Variants in LRP5 observed in about 807,000 individuals in gnomAD.
LRP5 encodes LDL receptor related protein 5.
Under a neutral mutation model 154.1 loss-of-function variants are expected in LRP5, and 62 were observed. That is an observed-to-expected ratio of 0.40 (90% confidence interval 0.33 to 0.50). The LOEUF (loss-of-function observed/expected upper bound fraction) is 0.50, where lower values mean the gene tolerates loss of function less well. Among genes scored for constraint, LRP5 ranks in the 20% least tolerant of loss-of-function variants. The probability of loss-of-function intolerance (pLI) is 0.55; values close to 1 mark genes in which losing one functional copy is unlikely to be tolerated. For missense variants in LRP5, 1,915 were observed against 2,336.7 expected (o/e 0.82, Z 3.72); for synonymous variants, 966 against 1,011.5 (o/e 0.96, Z 0.85).
At chr11:68,446,619 G>C (rs1194103781) in intron 22 of LRP5, 86 bp downstream of exon 22, 1 of 1,220,166 alleles carries the variant, frequency 8.2e-7, no homozygotes, top group South Asian at 1.2e-5. Flanking sequence ...CACTGATGAG[G>C]GGAGGTATTC....
chr11:68,362,430 C>A (rs888402346), intron 3 of LRP5, among the ~76,000 whole-genome samples: 10 of 152,148 alleles, frequency 6.6e-5, no homozygotes, highest in African/African-American at 2.4e-4. Flanking sequence ...TGCCTGTAAT[C>A]CCAGCACTTT....
intron 7 of LRP5, among the ~76,000 whole-genome samples, chr11:68,402,334 A>G (rs528399503): frequency 1.3e-5 from 2 of 152,218 alleles, no homozygotes; most frequent in East Asian, 1.9e-4. Flanking sequence ...TTACCTTGAC[A>G]GTATTTTCTC....
At chr11:68,321,520 G>T (rs989014489) in intron 1 of LRP5, among the ~76,000 whole-genome samples, 4 of 152,112 alleles carry the variant, frequency 2.6e-5, no homozygotes, top group African/African-American at 7.2e-5. Flanking sequence ...TCAGGCTGTG[G>T]AAGTGAATTC....
the LRP5 span, among the ~76,000 whole-genome samples, chr11:68,302,308 T>C: frequency 1.4e-5 from 2 of 138,570 alleles, no homozygotes; most frequent in Non-Finnish European, 3.0e-5. Flanking sequence ...ATGGCACCAC[T>C]GTACTCCAGC....
At position 68,403,714 on chromosome 11, in the gene LRP5, TC is replaced by T; in HGVS notation, c.1801+18del. The T allele has an allele frequency of 6.2e-6, 10 of 1,611,130 alleles. No individual in the cohort carries two copies. Among genetic ancestry groups the T allele is most frequent in the Non-Finnish European group, 8.5e-6 (10 of 1,179,568 alleles). The stretch of plus-strand genomic sequence containing the variant: ...CAAGGTCGTCGGTGAGTCCGGGGGG[TC>T]CCAAGCCATGGCTCAGCCATGCAGA... On this transcript the variant is annotated intron_variant, in intron 8 of 22. Transcript: ENST00000294304.
intron 18 of LRP5, among the ~76,000 whole-genome samples, chr11:68,434,057 T>C (rs2098673494): frequency 6.6e-6 from 1 of 152,226 alleles, no homozygotes; most frequent in Admixed American, 6.5e-5. Context: ...TGTGAGGGTC[T>C]ATCTCACCTT....
At chr11:68,392,292 T>A (rs995250678) in intron 7 of LRP5, among the ~76,000 whole-genome samples, 20 of 152,192 alleles carry the variant, frequency 1.3e-4, no homozygotes, top group Admixed American at 1.1e-3. Context: ...TCACCTGAGG[T>A]CAGGAGTTTG....
chr11:68,355,851 T>A, intron 2 of LRP5, among the ~76,000 whole-genome samples: 1 of 152,132 alleles, frequency 6.6e-6, no homozygotes. Context: ...TTTTATTCTT[T>A]TTTTTTTGAG....
rs570971966 is a variant in LRP5, at chr11:68,353,635, G to A, written c.489-4015G>A. Among the ~76,000 whole-genome samples the A allele has an allele frequency of 6.5e-4, 99 of 152,310 alleles. No homozygotes were observed. Among genetic ancestry groups the A allele is most frequent in the Non-Finnish European group, 1.1e-3 (74 of 68,010 alleles). On this transcript the variant is annotated intron_variant, in intron 2 of 22. Transcript: ENST00000294304. The surrounding 1 kb of genome is among the most constrained non-coding windows in gnomAD (Gnocchi z 4.5). ...GTCCTGGCCACAGGCACACGGTTGC[G>A]AGGAGCATCTTGGCCTTCCTCCCGG...
At chr11:68,337,152 G>T (rs994166909) in intron 1 of LRP5, among the ~76,000 whole-genome samples, 1 of 152,224 alleles carries the variant, frequency 6.6e-6, no homozygotes, top group Non-Finnish European at 1.5e-5. Context: ...AGACGAATCG[G>T]GAGGGACTCG....
chr11:68,359,366 G>A (rs1286577310), intron 3 of LRP5, among the ~76,000 whole-genome samples: 1 of 152,184 alleles, frequency 6.6e-6, no homozygotes, highest in Non-Finnish European at 1.5e-5. Flanking sequence ...GTTGTCCCTG[G>A]AAGTGCAGAC....
chr11:68,385,513 C>T (rs1427989468), intron 5 of LRP5, among the ~76,000 whole-genome samples: 3 of 152,120 alleles, frequency 2.0e-5, no homozygotes, highest in Non-Finnish European at 4.4e-5. Context: ...GGTGCAGCCC[C>T]ATCCAAGGAG....
Position 68,389,930 on chromosome 11 carries a change from A to G in LRP5, c.1462A>G (p.Asn488Asp). 1 of 1,614,220 alleles carries G rather than the reference A, an allele frequency of 6.2e-7. No individual in the cohort carries two copies. The highest frequency in any genetic ancestry group is 1.3e-5 in the African/African-American group (1 of 75,048). ...WGENPKIECA[N>D]LDGQERRVLV... ...AGAGAACCCTAAAATCGAGTGTGCC[A>G]ACTTGGATGGGCAGGAGCGGCGTGT... The change falls in exon 7 of 23, where the codon AAC becomes GAC. Residue 488 changes from asparagine (N) to aspartate (D), a missense_variant. By Grantham distance (23) the Asn-to-Asp change is conservative. Transcript: ENST00000294304.
chr11:68,370,360 AG>A (rs949285161), intron 5 of LRP5, among the ~76,000 whole-genome samples: 1 of 150,902 alleles, frequency 6.6e-6, no homozygotes, highest in African/African-American at 2.4e-5. Context: ...AGCGGGGGAG[AG>A]GGGGGGACAG....
At chr11:68,321,633 C>T (rs1336678574) in intron 1 of LRP5, among the ~76,000 whole-genome samples, 1 of 152,190 alleles carries the variant, frequency 6.6e-6, no homozygotes, top group African/African-American at 2.4e-5. Context: ...CGAGCCACTC[C>T]TGCTGCCCAA....
rs576976830 is a variant in LRP5 at position 68,367,460 on chromosome 11, C to T, written c.1015+1758C>T. On this transcript the variant is annotated intron_variant, in intron 5 of 22. Coordinates refer to ENST00000294304, the MANE Select transcript of LRP5 (RefSeq NM_002335.4). ...GTCTCCCTCGCAGACTGCCCCAGGA[C>T]GCTGCCTGCTCCCTGGAGGAGGGGG... 2.4e-4 allele frequency among the ~76,000 whole-genome samples: 37 copies of T among 152,354 alleles called. 1 individual carries two copies. The highest frequency in any genetic ancestry group is 5.2e-4 in the Admixed American group (8 of 15,308).
intron 1 of LRP5, among the ~76,000 whole-genome samples, chr11:68,338,891 T>TTG (rs2098607247): frequency 6.8e-6 from 1 of 146,996 alleles, no homozygotes; most frequent in Non-Finnish European, 1.5e-5. Flanking sequence ...TTTTTTTTTT[T>TTG]GAGACAGAAT....
chr11:68,347,923 C>T lies in LRP5; in HGVS notation c.168C>T (p.Thr56=). The T allele has an allele frequency of 6.2e-7, 1 of 1,613,764 alleles. No individual in the cohort carries two copies. Among genetic ancestry groups the T allele is most frequent in the Non-Finnish European group, 8.5e-7 (1 of 1,180,042 alleles). ...CCGGCGGAGTCAAGCTGGAGTCCAC[C>T]ATCGTGGTCAGCGGCCTGGAGGATG... ...VDAGGVKLES[T]IVVSGLEDAA... Residue 56 remains threonine (T), a synonymous_variant, in exon 2 of 23, where the codon ACC becomes ACT. Coordinates refer to ENST00000294304, the MANE Select transcript of LRP5 (RefSeq NM_002335.4).
intron 5 of LRP5, among the ~76,000 whole-genome samples, chr11:68,377,735 G>A (rs1410065807): frequency 6.6e-6 from 1 of 152,224 alleles, no homozygotes; most frequent in Non-Finnish European, 1.5e-5. Flanking sequence ...GGCCCAGGAG[G>A]TGGCTCAAGC....
Sources: allele counts gnomAD v4.1 joint callset (sites outside exome capture counted in the v4.1 genomes callset), GRCh38; gene constraint gnomAD v4.1.1; non-coding constraint Gnocchi (gnomAD v3.1); transcripts MANE v1.5; gene names NCBI Gene and HGNC (gene_info 2026-07-23, HGNC 2026-07-21).